ZNF710: variants seen among roughly 807,000 people sequenced by gnomAD.
The protein encoded by ZNF710 is zinc finger protein 710.
In ZNF710, 13 loss-of-function variants were observed where a neutral mutation model predicts 50.6. The observed-to-expected ratio is 0.26, with a 90% CI of 0.17 to 0.41. The LOEUF (loss-of-function observed/expected upper bound fraction) is 0.41, where lower values mean the gene tolerates loss of function less well. Ranked by LOEUF, ZNF710 falls within the 10% of genes least tolerant of loss-of-function variation. ZNF710 has a pLI of 1.00. For synonymous variants in ZNF710, 383 were observed against 397.0 expected (o/e 0.96, Z 0.42); for missense variants, 721 against 936.6 (o/e 0.77, Z 3.01).
intron 1 of ZNF710, among the ~76,000 whole-genome samples, chr15:90,021,022 T>TCCA (rs1567223032): frequency 1.4e-5 from 2 of 143,212 alleles, no homozygotes; most frequent in African/African-American, 5.9e-5. Context: ...CCCCCCCCCT[T>TCCA]AGCAGCCTGG....
chr15:89,999,371 A>G (rs1897967903), upstream of ZNF710, among the ~76,000 whole-genome samples: 1 of 152,216 alleles, frequency 6.6e-6, no homozygotes, highest in South Asian at 2.1e-4. Flanking sequence ...GTAGGTACTC[A>G]GTAGGCATTT....
intron 1 of ZNF710, among the ~76,000 whole-genome samples, chr15:90,065,231 G>C (rs553343099): frequency 5.3e-5 from 8 of 152,330 alleles, no homozygotes; most frequent in East Asian, 1.9e-4. Context: ...CTGGGCGCTG[G>C]GGGGAGGGGG....
At chr15:89,999,677 G>A (rs985830013), upstream of ZNF710, among the ~76,000 whole-genome samples, 1 of 152,036 alleles carries the variant, frequency 6.6e-6, no homozygotes, top group African/African-American at 2.4e-5. Context: ...GGGGCGAGGG[G>A]CCGTGGCCTT....
upstream of ZNF710, among the ~76,000 whole-genome samples, chr15:89,999,461 C>T (rs1897968546): frequency 6.6e-6 from 1 of 152,224 alleles, no homozygotes; most frequent in Non-Finnish European, 1.5e-5. Context: ...TGGGAGGCTG[C>T]AAGTGATGAC....
At chr15:90,020,332 C>T (rs1898577027) in intron 1 of ZNF710, among the ~76,000 whole-genome samples, 1 of 152,294 alleles carries the variant, frequency 6.6e-6, no homozygotes, top group Admixed American at 6.5e-5. Flanking sequence ...CCAGGCACCT[C>T]ACAGCCCCTT....
intron 4 of ZNF710, 146 bp from the exon 5 acceptor site, chr15:90,079,514 G>A (rs1168404827): frequency 1.0e-6 from 1 of 988,566 alleles, no homozygotes; most frequent in East Asian, 2.7e-5. Flanking sequence ...GGCGTCCGAG[G>A]GTGGGAAGGC....
At chr15:90,024,480 G>A (rs989907015) in intron 1 of ZNF710, among the ~76,000 whole-genome samples, 2 of 152,242 alleles carry the variant, frequency 1.3e-5, no homozygotes, top group African/African-American at 4.8e-5. Context: ...ATGAGAATGG[G>A]TGGCAGAGAA....
chr15:90,016,960 A>G (rs141646933), intron 1 of ZNF710, among the ~76,000 whole-genome samples: 3 of 152,334 alleles, frequency 2.0e-5, no homozygotes, highest in African/African-American at 7.2e-5. Flanking sequence ...CTGCCTTTGA[A>G]GTTCCCAGCT....
intron 1 of ZNF710, among the ~76,000 whole-genome samples, chr15:90,045,895 C>G (rs1312899992): frequency 6.6e-6 from 1 of 152,168 alleles, no homozygotes; most frequent in Non-Finnish European, 1.5e-5. Context: ...TACCGCATGT[C>G]TCGGCACATT....
intron 1 of ZNF710, among the ~76,000 whole-genome samples, chr15:90,020,747 C>G (rs911210508): frequency 3.3e-5 from 5 of 152,174 alleles, no homozygotes; most frequent in South Asian, 2.1e-4. Flanking sequence ...ATTTTAGCCC[C>G]GTTATCTGTC....
chr15:90,043,756 C>G (rs1899373011), intron 1 of ZNF710, among the ~76,000 whole-genome samples: 1 of 152,186 alleles, frequency 6.6e-6, no homozygotes, highest in Non-Finnish European at 1.5e-5. Context: ...AACATTCTTT[C>G]TTTCAAAGCT....
chr15:90,067,923 C>G lies in ZNF710; in HGVS notation c.786C>G (p.Thr262=). ...SEFEADTAGS[T]VERHKKAQLD... is the part of the protein sequence containing the mutation. ...TCGAGGCTGACACGGCGGGTTCGACCGTGGAACGCCACAAGAAGGCCCAGC... is the reference window on the plus strand; with the variant it reads ...TCGAGGCTGACACGGCGGGTTCGACGGTGGAACGCCACAAGAAGGCCCAGC... Residue 262 remains threonine, a synonymous_variant, in exon 2 of 5, where the codon ACC becomes ACG. Coordinates refer to ENST00000268154, the MANE Select transcript of ZNF710 (RefSeq NM_198526.4). This position sits in a 1 kb window ranked among gnomAD's most constrained non-coding sequence, Gnocchi z 8.1. 1 of 1,613,206 alleles carries G rather than the reference C, an allele frequency of 6.2e-7. No individual in the cohort carries two copies. Among genetic ancestry groups the G allele is most frequent in the Non-Finnish European group, 8.5e-7 (1 of 1,179,780 alleles).
intron 1 of ZNF710, chr15:90,045,464 C>T (rs1567232324): frequency 1.6e-5 from 15 of 925,608 alleles, no homozygotes; most frequent in East Asian, 1.2e-4. Flanking sequence ...CTGAGGTGAG[C>T]GCAGAAGCCA....
In ZNF710 at chr15:90,067,721, C is replaced by A; in HGVS notation, c.584C>A (p.Ala195Asp). 3.1e-6 allele frequency: 5 copies of A among 1,605,074 alleles called. No individual in the cohort carries two copies. The highest frequency in any genetic ancestry group is 4.3e-6 in the Non-Finnish European group (5 of 1,175,924). The change falls in exon 2 of 5, where the codon GCC becomes GAC. Residue 195 changes from alanine (A) to aspartate (D), a missense_variant. Physicochemically the swap from Ala to Asp is moderately radical, Grantham distance 126. This residue lies in a region of ZNF710 where 326 missense variants were observed against 347.1 expected (regional missense o/e 0.94). Transcript: ENST00000268154. This position sits in a 1 kb window ranked among gnomAD's most constrained non-coding sequence, Gnocchi z 8.1. ...APYDPHFPAPARDGFPEPSMA... is the reference protein window; with the variant it reads ...APYDPHFPAPDRDGFPEPSMA... ...TATGACCCTCACTTCCCGGCCCCGGCCCGGGATGGCTTCCCCGAGCCCAGC... is the reference window on the plus strand; with the variant it reads ...TATGACCCTCACTTCCCGGCCCCGGACCGGGATGGCTTCCCCGAGCCCAGC...
chr15:89,998,320 C>T (rs1897960416), upstream of ZNF710, among the ~76,000 whole-genome samples: 1 of 152,218 alleles, frequency 6.6e-6, no homozygotes, highest in Non-Finnish European at 1.5e-5. Flanking sequence ...CTCCCAGGGG[C>T]CTTCCTGGAT....
intron 4 of ZNF710, among the ~76,000 whole-genome samples, chr15:90,078,793 T>C (rs896479486): frequency 1.3e-5 from 2 of 152,202 alleles, no homozygotes; most frequent in African/African-American, 4.8e-5. Context: ...GCCCCCAGCC[T>C]GGGGTCTGTT....
Position 90,034,573 on chromosome 15 carries a change from G to A in ZNF710, c.-28-32537G>A, listed in dbSNP as rs146250214. On this transcript the variant is annotated intron_variant, in intron 1 of 4. Coordinates refer to ENST00000268154, the MANE Select transcript of ZNF710 (RefSeq NM_198526.4). This position sits in a 1 kb window ranked among gnomAD's most constrained non-coding sequence, Gnocchi z 4.0. ...CTGCTGATTAACTCAGTTCCTGGAG[G>A]GCCCTCCCTAGCAGCAGGGGAAGCC... Among the ~76,000 whole-genome samples, 1 of 152,014 alleles carries A rather than the reference G, an allele frequency of 6.6e-6. No homozygotes were observed. The highest frequency in any genetic ancestry group is 6.6e-5 in the Admixed American group (1 of 15,248).
chr15:90,047,928 G>C (rs1899520348), intron 1 of ZNF710, among the ~76,000 whole-genome samples: 1 of 152,202 alleles, frequency 6.6e-6, no homozygotes, highest in African/African-American at 2.4e-5. Context: ...AGCAGTCCCA[G>C]AGCTCGAGGG....
Position 90,067,493 on chromosome 15 carries a change from A to G in ZNF710, c.356A>G (p.Gln119Arg), listed in dbSNP as rs780325731. 3.1e-6 allele frequency: 5 copies of G among 1,613,590 alleles called. No individual in the cohort carries two copies. The highest frequency in any genetic ancestry group is 4.2e-6 in the Non-Finnish European group (5 of 1,179,738). ...VKFEKVEEEE[Q>R]EVYEVSVPGD... is the part of the protein sequence containing the mutation. ...TTCGAGAAGGTGGAGGAGGAGGAAC[A>G]GGAGGTCTATGAGGTTTCTGTGCCA... The change falls in exon 2 of 5, where the codon CAG (glutamine) becomes CGG (arginine). Residue 119 changes from glutamine to arginine, a missense_variant. Around this residue, in one of 3 missense-constraint regions of ZNF710, gnomAD observed 326 missense variants for 347.1 expected, o/e 0.94. Transcript: ENST00000268154. The surrounding 1 kb of genome is among the most constrained non-coding windows in gnomAD (Gnocchi z 8.1).
Sources: allele counts gnomAD v4.1 joint callset (sites outside exome capture counted in the v4.1 genomes callset), GRCh38; gene constraint gnomAD v4.1.1; regional missense constraint gnomAD v4.1.1; non-coding constraint Gnocchi (gnomAD v3.1); transcripts MANE v1.5; gene names NCBI Gene and HGNC (gene_info 2026-07-23, HGNC 2026-07-21).